Variants in CEP135 observed in about 807,000 individuals in gnomAD.
The protein encoded by CEP135 is centrosomal protein of 135 kDa.
CEP135 carries 142 observed loss-of-function variants against 157.3 expected under a neutral mutation model. The observed-to-expected ratio is 0.90, with a 90% CI of 0.79 to 1.04. The LOEUF (loss-of-function observed/expected upper bound fraction) is 1.04. Among genes scored for constraint, CEP135 ranks in the 50% least tolerant of loss-of-function variants. The pLI is 0.00. For missense variants in CEP135, 1,317 were observed against 1,309.2 expected, an observed-to-expected ratio of 1.01 and a Z score of -0.09; for synonymous variants, 396 against 439.8, an observed-to-expected ratio of 0.90 and a Z score of 1.25.
chr4:55,959,872 C>A, intron 6 of CEP135, 106 bp downstream of exon 6: 1 of 888,392 alleles, frequency 1.1e-6, no homozygotes. Context: ...TTTTATACAG[C>A]TTTCCTCTTT....
In CEP135 at chr4:55,999,564, TA is replaced by T; in HGVS notation, c.2202del (p.Glu735LysfsTer9). 1 of 1,611,400 alleles carries T rather than the reference TA, an allele frequency of 6.2e-7. No individual in the cohort carries two copies. Among genetic ancestry groups the T allele is most frequent in the Non-Finnish European group, 8.5e-7 (1 of 1,179,488 alleles). On this transcript the variant is annotated frameshift_variant, in exon 17 of 26. Transcript: ENST00000257287. LOFTEE classifies it high-confidence loss of function. ...TGAAAAAGACCATTGGTGTTATTGA[TA>T]AAGAAAAAGACTTTCTCCAGGAGAC... ...VMKKTIGVIDKEKDFLQETVD... is the reference protein window; with the variant it reads ...VMKKTIGVIDXEKDFLQETVD...
intron 15 of CEP135, among the ~76,000 whole-genome samples, chr4:55,996,060 A>G (rs1350957345): frequency 6.6e-6 from 1 of 152,232 alleles, no homozygotes; most frequent in Non-Finnish European, 1.5e-5. Context: ...GTGTATTCAG[A>G]AAACCAAATG....
intron 13 of CEP135, among the ~76,000 whole-genome samples, chr4:55,983,336 A>G (rs926612262): frequency 6.6e-6 from 1 of 152,232 alleles, no homozygotes; most frequent in African/African-American, 2.4e-5. Context: ...TCTGGGTTGT[A>G]GGAGGCAGGA....
intron 15 of CEP135, among the ~76,000 whole-genome samples, chr4:55,996,859 A>T (rs993557923): frequency 6.6e-6 from 1 of 152,146 alleles, no homozygotes; most frequent in Non-Finnish European, 1.5e-5. Flanking sequence ...AATTTACTGC[A>T]TTATGATGGA....
chr4:55,973,070 G>A (rs752491554), intron 10 of CEP135, among the ~76,000 whole-genome samples: 61 of 152,076 alleles, frequency 4.0e-4, no homozygotes, highest in Non-Finnish European at 7.1e-4. Flanking sequence ...AGCTATGTGT[G>A]GCCTATCATT....
chr4:56,010,233 T>C (rs1033806662), intron 19 of CEP135, among the ~76,000 whole-genome samples: 4 of 136,796 alleles, frequency 2.9e-5, no homozygotes, highest in Admixed American at 1.6e-4. Flanking sequence ...CCTGGCGGCA[T>C]GCGCCTGTAA....
chr4:56,009,663 A>T, intron 18 of CEP135, 72 bp from the exon 19 acceptor site: 1 of 1,347,576 alleles, frequency 7.4e-7, no homozygotes, highest in Non-Finnish European at 1.0e-6. Flanking sequence ...TACTTAGACT[A>T]TAAGTTTTCT....
chr4:55,954,671 TATC>T (rs1188137735), intron 4 of CEP135, among the ~76,000 whole-genome samples: 2 of 152,214 alleles, frequency 1.3e-5, no homozygotes, highest in African/African-American at 2.4e-5. Flanking sequence ...CTATTATTAT[TATC>T]ATTATTATTT....
intron 11 of CEP135, among the ~76,000 whole-genome samples, chr4:55,976,937 G>T (rs891952996): frequency 1.3e-5 from 2 of 151,942 alleles, no homozygotes; most frequent in Non-Finnish European, 2.9e-5. Context: ...AGCGTACTGA[G>T]TAGCTGGGAC....
intron 14 of CEP135, among the ~76,000 whole-genome samples, chr4:55,991,289 T>G (rs1454364930): frequency 2.0e-5 from 3 of 151,912 alleles, no homozygotes; most frequent in Non-Finnish European, 2.9e-5. Flanking sequence ...TATACTTGTA[T>G]TTTTTCCAAA....
chr4:55,996,992 G>C (rs1729992706), intron 15 of CEP135, among the ~76,000 whole-genome samples: 1 of 152,196 alleles, frequency 6.6e-6, no homozygotes, highest in African/African-American at 2.4e-5. Context: ...TGGAGAGCCA[G>C]AACTTAAGTT....
chr4:55,961,764 T>TCAAAAAAA (rs1491538066), intron 6 of CEP135, among the ~76,000 whole-genome samples: 1 of 54,186 alleles, frequency 1.8e-5, no homozygotes, highest in East Asian at 9.4e-4. Context: ...AAACTCTGTC[T>TCAAAAAAA]AAAAAAAAAA....
chr4:55,949,137 CG>C (rs1160995521), intron 1 of CEP135, 78 bp downstream of exon 1: 4 of 152,810 alleles, frequency 2.6e-5, no homozygotes, highest in Non-Finnish European at 4.4e-5. Flanking sequence ...ACCCGCGGGC[CG>C]GGCTCGGGCA....
Position 55,965,926 on chromosome 4 carries a change from C to G in CEP135, c.1044+67C>G, listed in dbSNP as rs372345107. On this transcript the variant is annotated intron_variant, in intron 8 of 25. Coordinates refer to ENST00000257287, the MANE Select transcript of CEP135 (RefSeq NM_025009.5). ...TCTCCTAGCACACGGTAAGCTTGAT[C>G]CCTTTTGATATCTGCATTCAGGTTT... The G allele has an allele frequency of 6.0e-6, 8 of 1,324,732 alleles. No homozygotes were observed. In the East Asian group the frequency reaches 1.5e-4, roughly 24 times the overall value. 82.1% of individuals were successfully genotyped at this position (1,324,732 alleles called of 1,614,324 possible).
chr4:56,014,582 A>G (rs1560422967), intron 21 of CEP135, among the ~76,000 whole-genome samples: 1 of 152,318 alleles, frequency 6.6e-6, no homozygotes, highest in Middle Eastern at 3.4e-3. Context: ...TGTTGGGAGA[A>G]AAGTAGAATT....
At chr4:56,011,765 CT>C in intron 20 of CEP135, 34 bp from the exon 21 acceptor site, 1 of 1,513,454 alleles carries the variant, frequency 6.6e-7, no homozygotes, top group Non-Finnish European at 8.9e-7. Flanking sequence ...GTGACAATTA[CT>C]AATTTAGAAA....
chr4:56,002,137 T>G (rs1450020272), intron 17 of CEP135, among the ~76,000 whole-genome samples: 1 of 152,144 alleles, frequency 6.6e-6, no homozygotes, highest in Admixed American at 6.6e-5. Context: ...TTCCCACAGT[T>G]TTTTAGTGGA....
chr4:55,949,290 G>A (rs919896225), intron 1 of CEP135, among the ~76,000 whole-genome samples: 4 of 152,126 alleles, frequency 2.6e-5, no homozygotes, highest in African/African-American at 9.6e-5. Context: ...TTGCAAACCG[G>A]AGATTGGGTG....
At chr4:56,024,729 C>T (rs1011074856) in intron 25 of CEP135, 115 bp downstream of exon 25, 2 of 686,466 alleles carry the variant, frequency 2.9e-6, no homozygotes, top group East Asian at 2.6e-5. Flanking sequence ...AGGAGAACTT[C>T]CTGGAGTAAT....
Sources: allele counts gnomAD v4.1 joint callset (sites outside exome capture counted in the v4.1 genomes callset), GRCh38; gene constraint gnomAD v4.1.1; transcripts MANE v1.5; gene names NCBI Gene and HGNC (gene_info 2026-07-23, HGNC 2026-07-21).